Variants in PDE12 observed in about 807,000 individuals in gnomAD.
PDE12 encodes the protein 2',5'-phosphodiesterase 12.
In PDE12, 26 loss-of-function variants were observed where a neutral mutation model predicts 45.4. The ratio of observed to expected loss-of-function variants is 0.57; its 90% confidence interval spans 0.42 to 0.79. PDE12 has a LOEUF of 0.79. PDE12 is among the 30% of genes least tolerant of loss of function. The probability of loss-of-function intolerance (pLI) is 0.00; values close to 1 mark genes in which losing one functional copy is unlikely to be tolerated. For synonymous variants in PDE12, 283 were observed against 323.9 expected, an observed-to-expected ratio of 0.87 and a Z score of 1.36; for missense variants, 668 against 790.0, an observed-to-expected ratio of 0.85 and a Z score of 1.85.
chr3:57,622,488 A>G, the PDE12 span, among the ~76,000 whole-genome samples: 28 of 152,242 alleles, frequency 1.8e-4, no homozygotes, highest in Non-Finnish European at 1.0e-4. Context: ...AAAACAAAAT[A>G]GTACAACCAC....
At chr3:57,569,587 C>T (rs1275604170), downstream of PDE12, among the ~76,000 whole-genome samples, 2 of 152,074 alleles carry the variant, frequency 1.3e-5, no homozygotes, top group African/African-American at 4.8e-5. Flanking sequence ...AACTCCCAAC[C>T]TCAGGTGATC....
Position 57,556,771 on chromosome 3 carries a change from C to T in PDE12, c.392C>T (p.Ala131Val). ...GTGAAGCTGTACTACCGGGAAGAGG[C>T]AGTGGCTGAGGACGTGCTCAACGTG... ...PVVKLYYREEAVAEDVLNVDA... is the reference protein window; with the variant it reads ...PVVKLYYREEVVAEDVLNVDA... The change falls in exon 1 of 3, where the codon GCA becomes GTA. Residue 131 changes from alanine (A) to valine (V), a missense_variant. By Grantham distance (64) the Ala-to-Val change is moderately conservative. Transcript: ENST00000311180. The surrounding 1 kb of genome is among the most constrained non-coding windows in gnomAD (Gnocchi z 5.0). The T allele has an allele frequency of 6.2e-7, 1 of 1,608,686 alleles. No individual in the cohort carries two copies. The highest frequency in any genetic ancestry group is 8.5e-7 in the Non-Finnish European group (1 of 1,176,150).
chr3:57,638,647 A>C, the PDE12 span, among the ~76,000 whole-genome samples: 1 of 151,798 alleles, frequency 6.6e-6, no homozygotes, highest in Non-Finnish European at 1.5e-5. Flanking sequence ...ACAGGGTGAG[A>C]CTCCGTTTCA....
At chr3:57,641,361 T>C in the PDE12 span, among the ~76,000 whole-genome samples, 1 of 145,472 alleles carries the variant, frequency 6.9e-6, no homozygotes, top group Non-Finnish European at 1.5e-5. Context: ...ATATTTAATA[T>C]ATATAAAGCT....
chr3:57,637,907 G>A, the PDE12 span, among the ~76,000 whole-genome samples: 2 of 152,096 alleles, frequency 1.3e-5, no homozygotes, highest in South Asian at 2.1e-4. Flanking sequence ...AGGCTGAGGT[G>A]AGTGGATCAC....
chr3:57,613,829 A>G, the PDE12 span, among the ~76,000 whole-genome samples: 1 of 133,190 alleles, frequency 7.5e-6, no homozygotes, highest in Non-Finnish European at 1.6e-5. Flanking sequence ...TGAACCTGGG[A>G]GGTGGAGCTT....
the PDE12 span, among the ~76,000 whole-genome samples, chr3:57,613,291 A>C: frequency 1.5e-3 from 224 of 149,130 alleles, 1 homozygote; most frequent in Middle Eastern, 3.5e-3. Flanking sequence ...AAAAAAAAAA[A>C]AACAACTTTT....
chr3:57,560,313 G>T lies in PDE12; in HGVS notation c.*309G>T. On this transcript the variant is annotated 3_prime_UTR_variant, in exon 3 of 3. Coordinates refer to ENST00000311180, the MANE Select transcript of PDE12 (RefSeq NM_177966.7). ...GATTGAATTAGCGTGTTTTTTGTTT[G>T]TTTGTTTTTGTTTTTGTTTTTGTTT... 1 of 1,110,284 alleles carries T rather than the reference G, an allele frequency of 9.0e-7. No individual in the cohort carries two copies. The highest frequency in any genetic ancestry group is 1.1e-6 in the Non-Finnish European group (1 of 908,042). 68.8% of individuals were successfully genotyped at this position (1,110,284 alleles called of 1,614,324 possible).
At chr3:57,575,113 G>A in the PDE12 span, among the ~76,000 whole-genome samples, 1 of 149,488 alleles carries the variant, frequency 6.7e-6, no homozygotes, top group South Asian at 2.1e-4. Flanking sequence ...GCCTCCCAAA[G>A]TGTTGGGATT....
the PDE12 span, among the ~76,000 whole-genome samples, chr3:57,599,135 C>T: frequency 6.6e-6 from 1 of 152,186 alleles, no homozygotes; most frequent in East Asian, 1.9e-4. Flanking sequence ...AACATTGGTT[C>T]ATTCTGGAAA....
the PDE12 span, among the ~76,000 whole-genome samples, chr3:57,644,286 G>C: frequency 6.6e-6 from 1 of 152,146 alleles, no homozygotes; most frequent in African/African-American, 2.4e-5. Context: ...CAGCCCAGGA[G>C]AGAACAGTAT....
chr3:57,641,620 C>T, the PDE12 span: 4 of 1,572,554 alleles, frequency 2.5e-6, no homozygotes, highest in South Asian at 2.3e-5. Context: ...CAACACTGCA[C>T]ACTAGAAACA....
At chr3:57,577,650 A>C in the PDE12 span, among the ~76,000 whole-genome samples, 6 of 152,242 alleles carry the variant, frequency 3.9e-5, no homozygotes, top group African/African-American at 1.4e-4. Context: ...AATTGTATCT[A>C]TTTTTCCCCT....
chr3:57,593,829 G>T, the PDE12 span, among the ~76,000 whole-genome samples: 1 of 152,094 alleles, frequency 6.6e-6, no homozygotes, highest in Non-Finnish European at 1.5e-5. Context: ...TTCAGCCCAA[G>T]AACAGGCAAG....
At position 57,559,606 on chromosome 3, in the gene PDE12, A is replaced by G. The variant is rs145728713; in HGVS notation, c.1432A>G (p.Ile478Val). ...LIQMAVALAH[I>V]RHVSCDLYPG... is the part of the protein sequence containing the mutation. The stretch of plus-strand genomic sequence containing the variant: ...TCAAATGGCAGTAGCCTTGGCTCAC[A>G]TAAGACATGTTTCATGTGATCTGTA... Residue 478 changes from isoleucine to valine, a missense_variant, in exon 3 of 3, where the codon ATA becomes GTA. Physicochemically the swap from Ile to Val is conservative, Grantham distance 29. Coordinates refer to ENST00000311180, the MANE Select transcript of PDE12 (RefSeq NM_177966.7). The G allele has an allele frequency of 1.5e-5, 25 of 1,612,982 alleles. No individual in the cohort carries two copies. The African/African-American group carries it at 2.8e-4, about 18-fold the overall frequency.
chr3:57,638,231 A>AT, the PDE12 span, among the ~76,000 whole-genome samples: 8 of 152,072 alleles, frequency 5.3e-5, no homozygotes, highest in Non-Finnish European at 1.2e-4. Flanking sequence ...CACAAAGCAT[A>AT]TATCTAATAA....
Position 57,562,407 on chromosome 3 carries a change from T to C in PDE12, c.*2403T>C, listed in dbSNP as rs559193999. The C allele has an allele frequency of 1.3e-5, 2 of 152,374 alleles. No homozygotes were observed. The highest frequency in any genetic ancestry group is 4.8e-5 in the African/African-American group (2 of 41,578). The allele number at this position is 152,374 out of a possible 1,614,324, so 9.4% of individuals were successfully genotyped here. A position where few individuals can be genotyped will look rare whatever the true frequency, so the allele number is the denominator to read the frequency against. On this transcript the variant is annotated 3_prime_UTR_variant, in exon 3 of 3. Coordinates refer to ENST00000311180, the MANE Select transcript of PDE12 (RefSeq NM_177966.7). Reference sequence around the variant, plus strand: ...ATATACTGTGATCAAATCTCCAGTATACGGATACGTTAAAATGATTGGAGT... The same window carrying C: ...ATATACTGTGATCAAATCTCCAGTACACGGATACGTTAAAATGATTGGAGT...
At chr3:57,619,920 A>G in the PDE12 span, among the ~76,000 whole-genome samples, 1 of 151,666 alleles carries the variant, frequency 6.6e-6, no homozygotes, top group East Asian at 2.0e-4. Context: ...AGCTAGTATC[A>G]TAATTAGTGA....
rs1276112610 is a variant in PDE12, at chr3:57,557,254, A to T, written c.875A>T (p.Asp292Val). 3.1e-6 allele frequency: 5 copies of T among 1,613,806 alleles called. No individual in the cohort carries two copies. Among genetic ancestry groups the T allele is most frequent in the Non-Finnish European group, 4.2e-6 (5 of 1,180,008 alleles). Residue 292 changes from aspartate (D) to valine (V), a missense_variant, in exon 1 of 3, where the codon GAC becomes GTC. Physicochemically the swap from Asp to Val is radical, Grantham distance 152. Coordinates refer to ENST00000311180, the MANE Select transcript of PDE12 (RefSeq NM_177966.7). ...RHLYTKKVTE[D>V]ALIRTVSYNI... ...CTCTACACGAAGAAGGTGACTGAGGACGCTCTCATCCGCACTGTCTCTTAC... is the reference window on the plus strand; with the variant it reads ...CTCTACACGAAGAAGGTGACTGAGGTCGCTCTCATCCGCACTGTCTCTTAC...
Sources: allele counts gnomAD v4.1 joint callset (sites outside exome capture counted in the v4.1 genomes callset), GRCh38; gene constraint gnomAD v4.1.1; non-coding constraint Gnocchi (gnomAD v3.1); transcripts MANE v1.5; gene names NCBI Gene and HGNC (gene_info 2026-07-23, HGNC 2026-07-21).